The following GRIK1 variants were observed in gnomAD, a reference collection of about 807,000 sequenced individuals.
GRIK1 encodes the protein glutamate receptor ionotropic, kainate 1.
A neutral mutation model predicts 105.7 loss-of-function variants in GRIK1; 69 were observed. The observed-to-expected ratio is 0.65, with a 90% confidence interval of 0.54 to 0.80. The LOEUF (loss-of-function observed/expected upper bound fraction) is 0.80. GRIK1 is among the 30% of genes least tolerant of loss of function. The pLI is 0.00. For synonymous variants in GRIK1, 438 were observed against 431.3 expected (o/e 1.02, Z -0.19); for missense variants, 1,109 against 1,167.3 (o/e 0.95, Z 0.73).
At chr21:29,611,454 A>G (rs563923363) in intron 7 of GRIK1, among the ~76,000 whole-genome samples, 3 of 152,150 alleles carry the variant, frequency 2.0e-5, no homozygotes, top group Non-Finnish European at 4.4e-5. Context: ...TGGTTCCTTC[A>G]TTAAGGAGTT....
intron 17 of GRIK1, 62 bp from the exon 18 acceptor site, chr21:29,537,447 G>T: frequency 1.5e-6 from 2 of 1,312,596 alleles, no homozygotes; most frequent in Non-Finnish European, 2.1e-6. Flanking sequence ...CCGTTGACCT[G>T]CCTCTTGCCT....
At chr21:29,638,277 G>GGA (rs1430474769) in intron 7 of GRIK1, among the ~76,000 whole-genome samples, 1 of 152,034 alleles carries the variant, frequency 6.6e-6, no homozygotes, top group African/African-American at 2.4e-5. Context: ...CATGGCAGCA[G>GGA]GAGAGAGAGG....
At chr21:29,590,848 C>T (rs1342397706) in intron 10 of GRIK1, among the ~76,000 whole-genome samples, 2 of 152,136 alleles carry the variant, frequency 1.3e-5, no homozygotes, top group Non-Finnish European at 2.9e-5. Context: ...AGCCAGAGAG[C>T]AAGGGAGACC....
At chr21:29,706,184 C>T (rs1185033358) in intron 1 of GRIK1, among the ~76,000 whole-genome samples, 1 of 152,116 alleles carries the variant, frequency 6.6e-6, no homozygotes, top group Non-Finnish European at 1.5e-5. Flanking sequence ...TCTTCTTTTT[C>T]TTCCTTAATA....
intron 7 of GRIK1, among the ~76,000 whole-genome samples, chr21:29,622,596 G>A (rs957676842): frequency 4.6e-5 from 7 of 152,186 alleles, no homozygotes; most frequent in Admixed American, 2.0e-4. Context: ...ATGACCAATA[G>A]CCAATGAATG....
chr21:29,681,070 T>C (rs368367114), intron 3 of GRIK1, among the ~76,000 whole-genome samples: 3 of 152,176 alleles, frequency 2.0e-5, no homozygotes, highest in East Asian at 3.9e-4. Flanking sequence ...GTGGTGGAGG[T>C]TGCAGTGAGC....
chr21:29,580,041 A>C (rs1442008680), intron 13 of GRIK1, among the ~76,000 whole-genome samples: 2 of 143,316 alleles, frequency 1.4e-5, no homozygotes, highest in African/African-American at 5.3e-5. Flanking sequence ...ATATGTGTAT[A>C]TATGTATATA....
At chr21:29,755,790 C>T (rs997980538) in intron 1 of GRIK1, among the ~76,000 whole-genome samples, 2 of 151,890 alleles carry the variant, frequency 1.3e-5, no homozygotes, top group East Asian at 1.9e-4. Context: ...GTAGGGACAA[C>T]GTCTTGGTCT....
At chr21:29,580,051 ATGTATATATATATG>A (rs1568843301) in intron 13 of GRIK1, among the ~76,000 whole-genome samples, 4 of 146,172 alleles carry the variant, frequency 2.7e-5, no homozygotes, top group African/African-American at 5.0e-5. Context: ...ATATGTATAT[ATGTATATATATATG>A]TGTATATATA....
chr21:29,707,433 T>TCCCC (rs2063934558), intron 1 of GRIK1, among the ~76,000 whole-genome samples: 1 of 58,808 alleles, frequency 1.7e-5, no homozygotes, highest in Non-Finnish European at 3.7e-5. Context: ...TTTCCCTTCC[T>TCCCC]CCCTCCCTCC....
chr21:29,760,044 A>G (rs1681696683), intron 1 of GRIK1: 1 of 152,192 alleles, frequency 6.6e-6, no homozygotes, highest in Admixed American at 6.5e-5. Context: ...TTTATGAGAA[A>G]GATTTGTTCT....
At chr21:29,724,357 G>GTTT (rs869074367) in intron 1 of GRIK1, among the ~76,000 whole-genome samples, 1 of 151,904 alleles carries the variant, frequency 6.6e-6, no homozygotes, top group Non-Finnish European at 1.5e-5. Context: ...AGATACGATT[G>GTTT]TTGGGCAACT....
At chr21:29,887,452 A>G (rs2069673302) in intron 1 of GRIK1, among the ~76,000 whole-genome samples, 1 of 152,152 alleles carries the variant, frequency 6.6e-6, no homozygotes, top group Non-Finnish European at 1.5e-5. Context: ...TTAAGTAGTC[A>G]CCTGGTGATG....
chr21:29,693,658 A>G (rs2063628947), intron 2 of GRIK1, among the ~76,000 whole-genome samples: 1 of 152,188 alleles, frequency 6.6e-6, no homozygotes, highest in Admixed American at 6.5e-5. Context: ...GAGCTAGTTA[A>G]TCATAGAGTG....
At chr21:29,710,991 T>C (rs1486204965) in intron 1 of GRIK1, among the ~76,000 whole-genome samples, 2 of 152,094 alleles carry the variant, frequency 1.3e-5, no homozygotes, top group Non-Finnish European at 2.9e-5. Flanking sequence ...AATTCACTTA[T>C]TTGGTTTTGA....
At chr21:29,643,908 ATG>A (rs1491269290) in intron 6 of GRIK1, among the ~76,000 whole-genome samples, 23 of 146,144 alleles carry the variant, frequency 1.6e-4, no homozygotes, top group Admixed American at 5.5e-4. Context: ...GGGCACACAC[ATG>A]CACACACACA....
chr21:29,692,403 T>C (rs2063601723), intron 2 of GRIK1, among the ~76,000 whole-genome samples: 1 of 152,148 alleles, frequency 6.6e-6, no homozygotes, highest in Non-Finnish European at 1.5e-5. Flanking sequence ...ATAGAGATAA[T>C]TTATGTGAGG....
chr21:29,616,829 G>A (rs1396937778), intron 7 of GRIK1, among the ~76,000 whole-genome samples: 1 of 152,210 alleles, frequency 6.6e-6, no homozygotes, highest in East Asian at 1.9e-4. Context: ...TTTCAAAATT[G>A]CTTTAAGCAT....
chr21:29,587,961 A>ATTTTTTTTTTT (rs1555842114), intron 11 of GRIK1, among the ~76,000 whole-genome samples: 2 of 81,836 alleles, frequency 2.4e-5, no homozygotes, highest in Admixed American at 1.2e-4. Context: ...AAACTTTAAA[A>ATTTTTTTTTTT]TTCTTTTTTT....
Sources: allele counts gnomAD v4.1 joint callset (sites outside exome capture counted in the v4.1 genomes callset), GRCh38; gene constraint gnomAD v4.1.1; transcripts MANE v1.5; gene names NCBI Gene and HGNC (gene_info 2026-07-23, HGNC 2026-07-21).